CDS1: variants seen among roughly 807,000 people sequenced by gnomAD.
CDS1 encodes the protein CDP-diacylglycerol synthase 1.
CDS1 carries 41 observed loss-of-function variants against 62.1 expected under a neutral mutation model. That is an observed-to-expected ratio of 0.66 (90% CI 0.51 to 0.86). The LOEUF (loss-of-function observed/expected upper bound fraction) is 0.86, where lower values mean the gene tolerates loss of function less well. Ranked by LOEUF, CDS1 falls within the 40% of genes least tolerant of loss-of-function variation. The pLI is 0.00. For missense variants in CDS1, 470 were observed against 550.1 expected, an observed-to-expected ratio of 0.85 and a Z score of 1.46; for synonymous variants, 185 against 192.6, an observed-to-expected ratio of 0.96 and a Z score of 0.32.
chr4:84,619,242 A>G (rs1723597904), intron 4 of CDS1, 152 bp from the exon 5 acceptor site: 1 of 435,328 alleles, frequency 2.3e-6, no homozygotes, highest in Non-Finnish European at 4.0e-6. Flanking sequence ...AGTTTAAAAC[A>G]GGAAAATAGC....
chr4:84,620,823 G>A (rs1723663473), intron 5 of CDS1, among the ~76,000 whole-genome samples: 1 of 151,572 alleles, frequency 6.6e-6, no homozygotes, highest in South Asian at 2.1e-4. Context: ...CACTTTGGGA[G>A]GCCAAGGTGC....
intron 1 of CDS1, among the ~76,000 whole-genome samples, chr4:84,587,289 T>C (rs1208806100): frequency 2.0e-5 from 3 of 152,246 alleles, no homozygotes; most frequent in Non-Finnish European, 4.4e-5. Context: ...CAGTTGAATC[T>C]TCACTGAGTT....
intron 3 of CDS1, among the ~76,000 whole-genome samples, chr4:84,611,156 T>C (rs984194641): frequency 8.5e-5 from 13 of 152,126 alleles, no homozygotes; most frequent in African/African-American, 2.4e-4. Context: ...AGCCCAGATA[T>C]TTAAAGCATG....
At chr4:84,599,664 G>T (rs528615495) in intron 1 of CDS1, among the ~76,000 whole-genome samples, 2 of 151,600 alleles carry the variant, frequency 1.3e-5, no homozygotes, top group Non-Finnish European at 2.9e-5. Context: ...TGTACATTTT[G>T]TCTGGCTTCT....
At chr4:84,603,956 A>C (rs1723014546) in intron 1 of CDS1, among the ~76,000 whole-genome samples, 1 of 152,188 alleles carries the variant, frequency 6.6e-6, no homozygotes, top group Non-Finnish European at 1.5e-5. Flanking sequence ...AAGTGGCAAA[A>C]CATCTGATTT....
chr4:84,617,463 A>G (rs1723533033), intron 3 of CDS1, 101 bp from the exon 4 acceptor site: 1 of 653,692 alleles, frequency 1.5e-6, no homozygotes, highest in Admixed American at 2.8e-5. Context: ...ACATTGGTAG[A>G]TTAAGATTTT....
intron 4 of CDS1, among the ~76,000 whole-genome samples, chr4:84,618,175 A>G (rs941219311): frequency 2.0e-5 from 3 of 152,216 alleles, no homozygotes; most frequent in African/African-American, 7.2e-5. Flanking sequence ...AACCTTGACT[A>G]GGAAACATGA....
In CDS1 at chr4:84,620,223, T is replaced by G. The variant is rs1258013641; in HGVS notation, c.580+690T>G. On this transcript the variant is annotated intron_variant, in intron 5 of 12. Transcript: ENST00000295887. Reference sequence around the variant, plus strand: ...AACTAATCAGGGTAATTAGTTGTTTTTTTTTTTTTTTTTTTTTGAGATGGA... The same window carrying G: ...AACTAATCAGGGTAATTAGTTGTTTGTTTTTTTTTTTTTTTTTGAGATGGA... Among the ~76,000 whole-genome samples the G allele has an allele frequency of 3.6e-5, 5 of 139,086 alleles. No individual in the cohort carries two copies. The East Asian group carries it at 8.1e-4, about 22-fold the overall frequency. 91.2% of individuals were successfully genotyped at this position (139,086 alleles called of 152,430 possible).
In CDS1 at chr4:84,635,661, T is replaced by C. The variant is rs1469290829; in HGVS notation, c.810+310T>C. On this transcript the variant is annotated intron_variant, in intron 8 of 12. Coordinates refer to ENST00000295887, the MANE Select transcript of CDS1 (RefSeq NM_001263.4). ...TTCCTTCCTTCCTTCCTTCCTTCCT[T>C]CCTTCCTTCCTTCCTTCCTTCCTTC... is the stretch of plus-strand genomic sequence containing the variant. Among the ~76,000 whole-genome samples, 330 of 124,444 alleles carry C rather than the reference T, an allele frequency of 2.7e-3. 1 individual carries two copies. Among genetic ancestry groups the C allele is most frequent in the African/African-American group, 0.01 (312 of 30,942 alleles). 81.6% of individuals were successfully genotyped at this position (124,444 alleles called of 152,430 possible). A position where few individuals can be genotyped will look rare whatever the true frequency, so the allele number is the denominator to read the frequency against.
intron 6 of CDS1, among the ~76,000 whole-genome samples, chr4:84,633,100 G>C (rs1407764147): frequency 6.6e-6 from 1 of 152,156 alleles, no homozygotes; most frequent in African/African-American, 2.4e-5. Context: ...CTCCAGCCTG[G>C]GTGACAGAGT....
intron 7 of CDS1, among the ~76,000 whole-genome samples, chr4:84,634,667 G>C (rs904436582): frequency 1.3e-5 from 2 of 152,042 alleles, no homozygotes; most frequent in Non-Finnish European, 2.9e-5. Flanking sequence ...GTGTGTGTGT[G>C]TCTCTGTGTG....
intron 12 of CDS1, among the ~76,000 whole-genome samples, chr4:84,648,157 A>C (rs138003174): frequency 1.3e-5 from 2 of 152,198 alleles, no homozygotes; most frequent in African/African-American, 4.8e-5. Context: ...AAAAATTTCA[A>C]TTATATTTTC....
rs748753774 is a variant in CDS1 at position 84,613,552 on chromosome 4, G to A, written c.343-4012G>A. Among the ~76,000 whole-genome samples the A allele has an allele frequency of 2.8e-4, 43 of 152,194 alleles. 1 individual carries two copies. Among genetic ancestry groups the A allele is most frequent in the Non-Finnish European group, 5.0e-4 (34 of 68,038 alleles). ...TTGAACCCAAGAGGCAGAGGTTTCAGTGAGCCGAGATCGCGCCACTGCACT... is the reference window on the plus strand; with the variant it reads ...TTGAACCCAAGAGGCAGAGGTTTCAATGAGCCGAGATCGCGCCACTGCACT... On this transcript the variant is annotated intron_variant, in intron 3 of 12. Transcript: ENST00000295887.
chr4:84,648,785 A>G lies in CDS1; in HGVS notation c.*99A>G, dbSNP rs559115047. 1 of 1,202,432 alleles carries G rather than the reference A, an allele frequency of 8.3e-7. No homozygotes were observed. Among genetic ancestry groups the G allele is most frequent in the East Asian group, 2.5e-5 (1 of 40,106 alleles). The allele number at this position is 1,202,432 out of a possible 1,614,324, so 74.5% of individuals were successfully genotyped here. A position where few individuals can be genotyped will look rare whatever the true frequency, so the allele number is the denominator to read the frequency against. On this transcript the variant is annotated 3_prime_UTR_variant, in exon 13 of 13. Transcript: ENST00000295887. Reference sequence around the variant, plus strand: ...ACAGAAAAATAGTTAAAAATGCAATAGGTTGAAGTTTTGGAGATATGTTTC... The same window carrying G: ...ACAGAAAAATAGTTAAAAATGCAATGGGTTGAAGTTTTGGAGATATGTTTC...
chr4:84,648,777 A>C lies in CDS1; in HGVS notation c.*91A>C, dbSNP rs17367775. ...TAAATTGTACAGAAAAATAGTTAAA[A>C]ATGCAATAGGTTGAAGTTTTGGAGA... is the stretch of plus-strand genomic sequence containing the variant. On this transcript the variant is annotated 3_prime_UTR_variant, in exon 13 of 13. Coordinates refer to ENST00000295887, the MANE Select transcript of CDS1 (RefSeq NM_001263.4). The C allele has an allele frequency of 0.038, 49,293 of 1,297,202 alleles. 1,092 individuals are homozygous for C. The highest frequency in any genetic ancestry group is 0.053 in the South Asian group (3,179 of 60,538). 80.4% of individuals were successfully genotyped at this position (1,297,202 alleles called of 1,614,324 possible).
chr4:84,642,922 C>A, intron 10 of CDS1, 102 bp from the exon 11 acceptor site: 1 of 1,168,894 alleles, frequency 8.6e-7, no homozygotes, highest in South Asian at 1.8e-5. Context: ...GTGGTGCGTG[C>A]TTTGACTTAC....
intron 5 of CDS1, among the ~76,000 whole-genome samples, chr4:84,626,769 C>T (rs1205282998): frequency 6.6e-6 from 1 of 152,102 alleles, no homozygotes. Flanking sequence ...TATTTAATTC[C>T]CAGAGCGCAG....
intron 8 of CDS1, among the ~76,000 whole-genome samples, chr4:84,638,684 CAT>C (rs1724289755): frequency 6.6e-6 from 1 of 151,988 alleles, no homozygotes; most frequent in Non-Finnish European, 1.5e-5. Context: ...TGAACAAACA[CAT>C]ATTCACAGCA....
intron 4 of CDS1, among the ~76,000 whole-genome samples, chr4:84,618,569 G>A (rs988178606): frequency 2.0e-5 from 3 of 152,184 alleles, no homozygotes; most frequent in Non-Finnish European, 4.4e-5. Context: ...TCTAGTTGGG[G>A]ATGTAGCACC....
Sources: gnomAD v4.1 joint callset for allele counts (sites outside exome capture counted in the v4.1 genomes callset) on GRCh38, gnomAD v4.1.1 for gene constraint, MANE v1.5 for transcripts, NCBI Gene and HGNC (gene_info 2026-07-23, HGNC 2026-07-21) for gene names.